APBB2: variants seen among roughly 807,000 people sequenced by gnomAD.
The protein encoded by APBB2 is amyloid beta precursor protein binding family B member 2, also known as Fe65-like 1.
Under a neutral mutation model 82.5 loss-of-function variants are expected in APBB2, and 38 were observed. The ratio of observed to expected loss-of-function variants is 0.46; its 90% CI spans 0.36 to 0.60. The LOEUF (loss-of-function observed/expected upper bound fraction) is 0.60, where lower values mean the gene tolerates loss of function less well. APBB2 is among the 20% of genes least tolerant of loss of function. APBB2 has a pLI of 0.00. For synonymous variants in APBB2, 341 were observed against 368.2 expected, an observed-to-expected ratio of 0.93 and a Z score of 0.85; for missense variants, 772 against 972.3, an observed-to-expected ratio of 0.79 and a Z score of 2.74.
At chr4:40,905,067 T>G (rs375779052) in intron 10 of APBB2, among the ~76,000 whole-genome samples, 3 of 152,202 alleles carry the variant, frequency 2.0e-5, no homozygotes, top group Non-Finnish European at 4.4e-5. Flanking sequence ...AAAGCTCCCC[T>G]GATGTTAACC....
At chr4:41,014,440 C>CTACTGTA in intron 5 of APBB2, 42 bp from the exon 6 acceptor site, 1 of 1,545,588 alleles carries the variant, frequency 6.5e-7, no homozygotes, top group South Asian at 1.1e-5. Context: ...CATGATTAAA[C>CTACTGTA]TACTTAGTAT....
At chr4:41,104,087 G>A (rs926690063) in intron 2 of APBB2, among the ~76,000 whole-genome samples, 125 of 152,170 alleles carry the variant, frequency 8.2e-4, no homozygotes, top group African/African-American at 2.9e-3. Flanking sequence ...TAAAGAAATT[G>A]TATTCTGGAT....
chr4:40,976,846 C>T (rs1273714561), intron 6 of APBB2, among the ~76,000 whole-genome samples: 1 of 151,970 alleles, frequency 6.6e-6, no homozygotes. Flanking sequence ...TTGAGATCAG[C>T]CTGAGCAACA....
intron 7 of APBB2, among the ~76,000 whole-genome samples, chr4:40,943,970 AT>A (rs1303454185): frequency 6.6e-6 from 1 of 152,284 alleles, no homozygotes; most frequent in Non-Finnish European, 1.5e-5. Flanking sequence ...GATTTAGGAA[AT>A]AAGACATTGT....
At chr4:40,825,363 C>T (rs902597247) in intron 15 of APBB2, among the ~76,000 whole-genome samples, 9 of 152,202 alleles carry the variant, frequency 5.9e-5, no homozygotes, top group African/African-American at 2.2e-4. Flanking sequence ...TTCTCCACAG[C>T]CTTTTTTAGC....
intron 13 of APBB2, among the ~76,000 whole-genome samples, chr4:40,830,057 A>C (rs1321424221): frequency 6.6e-6 from 1 of 152,154 alleles, no homozygotes; most frequent in Admixed American, 6.5e-5. Context: ...GGGTGTACGT[A>C]TCTCTGCCAT....
intron 16 of APBB2, 95 bp downstream of exon 16, chr4:40,823,549 C>A: frequency 1.2e-6 from 1 of 863,688 alleles, no homozygotes; most frequent in East Asian, 2.5e-5. Flanking sequence ...ATGCACAACT[C>A]CGGCCTTGAC....
chr4:40,958,945 A>G (rs1257393567), intron 6 of APBB2, among the ~76,000 whole-genome samples: 1 of 152,208 alleles, frequency 6.6e-6, no homozygotes, highest in Non-Finnish European at 1.5e-5. Context: ...ATCACATCAT[A>G]TTTAGATAAA....
chr4:41,143,373 CTGTT>C (rs1246869104), intron 1 of APBB2, among the ~76,000 whole-genome samples: 1 of 152,204 alleles, frequency 6.6e-6, no homozygotes, highest in African/African-American at 2.4e-5. Context: ...TGATTATGCT[CTGTT>C]TGTGGGAAAC....
At chr4:40,968,973 T>C (rs968274550) in intron 6 of APBB2, among the ~76,000 whole-genome samples, 1 of 152,224 alleles carries the variant, frequency 6.6e-6, no homozygotes, top group Non-Finnish European at 1.5e-5. Flanking sequence ...GGTGGTTTTA[T>C]AAGGGATTTC....
chr4:41,154,265 T>C (rs1177538211), intron 1 of APBB2, among the ~76,000 whole-genome samples: 1 of 152,200 alleles, frequency 6.6e-6, no homozygotes, highest in African/African-American at 2.4e-5. Context: ...GAAAAATGAC[T>C]GGAAACACTT....
chr4:41,078,712 TA>T (rs1335173243), intron 3 of APBB2, among the ~76,000 whole-genome samples: 2 of 152,196 alleles, frequency 1.3e-5, no homozygotes. Flanking sequence ...TTCATATGGA[TA>T]AACACCTTGG....
intron 3 of APBB2, among the ~76,000 whole-genome samples, chr4:41,066,316 T>G (rs1157795384): frequency 6.6e-6 from 1 of 152,204 alleles, no homozygotes; most frequent in Non-Finnish European, 1.5e-5. Context: ...GAAATTATTT[T>G]TGCCCATTTT....
intron 3 of APBB2, among the ~76,000 whole-genome samples, chr4:41,094,268 T>C (rs552247143): frequency 5.3e-4 from 81 of 152,352 alleles, no homozygotes; most frequent in Admixed American, 9.8e-4. Flanking sequence ...GTTTTATACC[T>C]GCTGCAGCAA....
intron 12 of APBB2, among the ~76,000 whole-genome samples, chr4:40,855,350 T>C (rs1425320294): frequency 6.6e-6 from 1 of 152,238 alleles, no homozygotes; most frequent in Non-Finnish European, 1.5e-5. Flanking sequence ...TAAATACTTA[T>C]TAAATAAATT....
intron 1 of APBB2, among the ~76,000 whole-genome samples, chr4:41,158,843 C>G (rs1056852175): frequency 3.5e-4 from 53 of 152,160 alleles, no homozygotes; most frequent in African/African-American, 1.2e-3. Flanking sequence ...CACCCCACAG[C>G]ACGGTTACTA....
At chr4:41,172,936 C>A (rs1349402915) in intron 1 of APBB2, among the ~76,000 whole-genome samples, 1 of 152,168 alleles carries the variant, frequency 6.6e-6, no homozygotes, top group Non-Finnish European at 1.5e-5. Flanking sequence ...GGAAATGCTT[C>A]TAAAATTAAC....
At chr4:40,875,178 T>G (rs1012644297) in intron 12 of APBB2, among the ~76,000 whole-genome samples, 1 of 152,132 alleles carries the variant, frequency 6.6e-6, no homozygotes, top group African/African-American at 2.4e-5. Context: ...TTTTTACCCA[T>G]CAGAAAAATC....
intron 12 of APBB2, among the ~76,000 whole-genome samples, chr4:40,870,822 T>A (rs538420316): frequency 6.9e-6 from 1 of 145,454 alleles, no homozygotes; most frequent in Admixed American, 7.2e-5. Flanking sequence ...AAACTCCGCC[T>A]CCCAGGTTCA....
Sources: allele counts gnomAD v4.1 joint callset (sites outside exome capture counted in the v4.1 genomes callset), GRCh38; gene constraint gnomAD v4.1.1; transcripts MANE v1.5; gene names NCBI Gene and HGNC (gene_info 2026-07-23, HGNC 2026-07-21).